ASTN2: variants seen among roughly 807,000 people sequenced by gnomAD.
ASTN2 encodes astrotactin 2.
Under a neutral mutation model 139.8 loss-of-function variants are expected in ASTN2, and 54 were observed. The ratio of observed to expected loss-of-function variants is 0.39; its 90% CI spans 0.31 to 0.48. The LOEUF (loss-of-function observed/expected upper bound fraction) is 0.48, where lower values mean the gene tolerates loss of function less well. Among genes scored for constraint, ASTN2 ranks in the 20% least tolerant of loss-of-function variants. ASTN2 has a pLI of 0.95. For synonymous variants in ASTN2, 756 were observed against 719.5 expected, an observed-to-expected ratio of 1.05 and a Z score of -0.81; for missense variants, 1,565 against 1,725.1, an observed-to-expected ratio of 0.91 and a Z score of 1.64.
chr9:116,941,592 C>T (rs1388757547), intron 10 of ASTN2, among the ~76,000 whole-genome samples: 3 of 100,184 alleles, frequency 3.0e-5, no homozygotes, highest in African/African-American at 1.3e-4. Flanking sequence ...ACTTAAGCTA[C>T]AGAAAAAAAA....
intron 5 of ASTN2, among the ~76,000 whole-genome samples, chr9:117,073,247 G>T (rs937244949): frequency 1.1e-4 from 17 of 152,106 alleles, no homozygotes; most frequent in African/African-American, 3.9e-4. Context: ...CTATGACCAG[G>T]CCTGGCTGAC....
At chr9:117,116,442 T>C (rs1564433271) in intron 4 of ASTN2, among the ~76,000 whole-genome samples, 2 of 152,178 alleles carry the variant, frequency 1.3e-5, no homozygotes, top group Non-Finnish European at 2.9e-5. Flanking sequence ...GTCTTTATCA[T>C]GTGCATCTTT....
chr9:117,198,416 TC>T, intron 3 of ASTN2, among the ~76,000 whole-genome samples: 1 of 152,136 alleles, frequency 6.6e-6, no homozygotes, highest in Admixed American at 6.6e-5. Context: ...CATTTTCTTT[TC>T]CTTTTTTATT....
At chr9:117,180,219 A>T (rs1271749882) in intron 3 of ASTN2, among the ~76,000 whole-genome samples, 2 of 152,200 alleles carry the variant, frequency 1.3e-5, no homozygotes, top group African/African-American at 4.8e-5. Context: ...GACACTTCTC[A>T]GTTAAAAGTT....
chr9:117,310,713 C>T (rs1399572562), intron 1 of ASTN2, among the ~76,000 whole-genome samples: 1 of 152,076 alleles, frequency 6.6e-6, no homozygotes, highest in East Asian at 1.9e-4. Flanking sequence ...CTCACTGCAG[C>T]CTGGACCTCC....
chr9:116,921,986 G>A (rs1012315459), intron 10 of ASTN2, among the ~76,000 whole-genome samples: 2 of 152,146 alleles, frequency 1.3e-5, no homozygotes, highest in Admixed American at 6.5e-5. Context: ...CTGAACATGG[G>A]ATTTGGGTGG....
chr9:117,311,141 G>T (rs1231295056), intron 1 of ASTN2, among the ~76,000 whole-genome samples: 3 of 151,348 alleles, frequency 2.0e-5, no homozygotes, highest in Non-Finnish European at 4.4e-5. Context: ...AGACAGGGCT[G>T]CTCCAAGCTT....
At chr9:116,678,897 G>A (rs909350825) in intron 16 of ASTN2, among the ~76,000 whole-genome samples, 1 of 152,116 alleles carries the variant, frequency 6.6e-6, no homozygotes, top group African/African-American at 2.4e-5. Context: ...ATTTTAAAAA[G>A]TAGTTTTAAC....
intron 1 of ASTN2, among the ~76,000 whole-genome samples, chr9:117,318,173 C>A (rs1284069026): frequency 2.8e-4 from 42 of 152,266 alleles, no homozygotes; most frequent in East Asian, 3.9e-4. Flanking sequence ...AGGTTCAAAT[C>A]CCACCTCTGC....
intron 19 of ASTN2, among the ~76,000 whole-genome samples, chr9:116,513,631 G>A (rs1253299809): frequency 6.6e-6 from 1 of 152,158 alleles, no homozygotes; most frequent in African/African-American, 2.4e-5. Flanking sequence ...TCACTTTCAG[G>A]TACACCTATC....
At chr9:116,901,296 G>C (rs1468923220) in intron 10 of ASTN2, among the ~76,000 whole-genome samples, 2 of 152,122 alleles carry the variant, frequency 1.3e-5, no homozygotes, top group Non-Finnish European at 2.9e-5. Context: ...AGGATCCTTT[G>C]AGCCCAGGAG....
intron 16 of ASTN2, among the ~76,000 whole-genome samples, chr9:116,711,474 A>C (rs976186108): frequency 6.6e-6 from 1 of 152,208 alleles, no homozygotes; most frequent in Non-Finnish European, 1.5e-5. Context: ...TATGACTTCA[A>C]TCATGTATGC....
At chr9:116,639,354 G>A (rs944295255) in intron 17 of ASTN2, among the ~76,000 whole-genome samples, 3 of 152,210 alleles carry the variant, frequency 2.0e-5, no homozygotes, top group Non-Finnish European at 4.4e-5. Flanking sequence ...AGAAGGCACT[G>A]CACAGACTGA....
At chr9:116,569,154 G>A (rs577595107) in intron 19 of ASTN2, among the ~76,000 whole-genome samples, 2 of 152,260 alleles carry the variant, frequency 1.3e-5, no homozygotes, top group South Asian at 2.1e-4. Flanking sequence ...GGGAAGCAAC[G>A]AACCAAAGTC....
intron 10 of ASTN2, among the ~76,000 whole-genome samples, chr9:116,938,124 C>G (rs114689145): frequency 6.6e-6 from 1 of 152,194 alleles, no homozygotes; most frequent in Non-Finnish European, 1.5e-5. Context: ...CTTCTTAACA[C>G]CTGTGGTCTT....
intron 2 of ASTN2, among the ~76,000 whole-genome samples, chr9:117,262,397 T>TA (rs529825100): frequency 8.1e-6 from 1 of 123,514 alleles, no homozygotes; most frequent in African/African-American, 2.7e-5. Context: ...CTGTTTCTTT[T>TA]TTTATTTATT....
intron 19 of ASTN2, among the ~76,000 whole-genome samples, chr9:116,512,553 T>A (rs1307183783): frequency 6.6e-6 from 1 of 152,198 alleles, no homozygotes. Context: ...TTCCTGGATA[T>A]CCTCGTTAAC....
chr9:116,843,837 G>A (rs1194252014), intron 11 of ASTN2, among the ~76,000 whole-genome samples: 2 of 152,076 alleles, frequency 1.3e-5, no homozygotes, highest in Non-Finnish European at 2.9e-5. Context: ...TGAGTGATGG[G>A]ATCAATTGTA....
At chr9:117,032,022 A>G (rs1399339103) in intron 6 of ASTN2, among the ~76,000 whole-genome samples, 1 of 152,216 alleles carries the variant, frequency 6.6e-6, no homozygotes, top group Non-Finnish European at 1.5e-5. Flanking sequence ...GACTTAAAGC[A>G]GGAGGCCAGT....
Sources: allele counts gnomAD v4.1 joint callset (sites outside exome capture counted in the v4.1 genomes callset), GRCh38; gene constraint gnomAD v4.1.1; transcripts MANE v1.5; gene names NCBI Gene and HGNC (gene_info 2026-07-23, HGNC 2026-07-21).